PPP4R3A: variants seen among roughly 807,000 people sequenced by gnomAD.
PPP4R3A encodes protein phosphatase 4 regulatory subunit 3A.
Under a neutral mutation model 91.7 loss-of-function variants are expected in PPP4R3A, and 15 were observed. The observed-to-expected ratio is 0.16, with a 90% CI of 0.11 to 0.25. PPP4R3A has a LOEUF of 0.25. Among genes scored for constraint, PPP4R3A ranks in the 10% least tolerant of loss-of-function variants. PPP4R3A has a pLI of 1.00. For synonymous variants in PPP4R3A, 377 were observed against 348.7 expected, an observed-to-expected ratio of 1.08 and a Z score of -0.91; for missense variants, 623 against 998.4, an observed-to-expected ratio of 0.62 and a Z score of 5.07.
intron 6 of PPP4R3A, 107 bp from the exon 7 acceptor site, chr14:91,476,073 A>C: frequency 9.3e-7 from 1 of 1,080,072 alleles, no homozygotes; most frequent in Non-Finnish European, 1.3e-6. Flanking sequence ...TCAATGTAAA[A>C]GAAAGGTCAA....
rs780502185 is a variant in PPP4R3A at position 91,461,504 on chromosome 14, G to A, written c.2268C>T (p.Leu756=). The change falls in exon 14 of 15, where the codon CTC becomes CTT. Residue 756 remains leucine, a synonymous_variant. Coordinates refer to ENST00000554943, the MANE Select transcript of PPP4R3A (RefSeq NM_001366432.2). Reference sequence around the variant, plus strand: ...GATTTGTTGTAGATGACTGGCTGGTGAGGTTAGTCTTCGTTCCACTGGACA... The same window carrying A: ...GATTTGTTGTAGATGACTGGCTGGTAAGGTTAGTCTTCGTTCCACTGGACA... ...LSLSSGTKTN[L]TSQSSTTNLP... The A allele has an allele frequency of 6.2e-7, 1 of 1,614,172 alleles. No homozygotes were observed. The highest frequency in any genetic ancestry group is 1.1e-5 in the South Asian group (1 of 91,074).
intron 7 of PPP4R3A, 83 bp from the exon 8 acceptor site, chr14:91,473,453 T>C (rs1888973648): frequency 3.5e-6 from 5 of 1,417,746 alleles, no homozygotes; most frequent in Non-Finnish European, 4.7e-6. Context: ...ACCACAGCAT[T>C]ATACCTAGGC....
chr14:91,460,291 G>T (rs1484067772), intron 14 of PPP4R3A, among the ~76,000 whole-genome samples: 1 of 152,136 alleles, frequency 6.6e-6, no homozygotes, highest in African/African-American at 2.4e-5. Context: ...GGGATTACGG[G>T]CGTAAGCCAC....
intron 10 of PPP4R3A, among the ~76,000 whole-genome samples, chr14:91,466,965 C>CACACACACACA (rs2140077739): frequency 3.9e-5 from 1 of 25,696 alleles, no homozygotes; most frequent in South Asian, 1.5e-3. Context: ...ACACACACAC[C>CACACACACACA]CCTCTTGTCT....
At chr14:91,480,437 C>T (rs899167589) in intron 4 of PPP4R3A, among the ~76,000 whole-genome samples, 4 of 152,162 alleles carry the variant, frequency 2.6e-5, no homozygotes, top group Admixed American at 6.5e-5. Flanking sequence ...CTTAGCAAAA[C>T]GTGGCTTTTG....
intron 4 of PPP4R3A, among the ~76,000 whole-genome samples, 191 bp downstream of exon 4, chr14:91,481,385 T>C (rs375838308): frequency 2.0e-5 from 3 of 152,174 alleles, no homozygotes; most frequent in East Asian, 3.8e-4. Context: ...TTTGTCACAC[T>C]TACCTCTCCT....
intron 2 of PPP4R3A, among the ~76,000 whole-genome samples, chr14:91,488,686 A>T (rs1890043662): frequency 6.6e-6 from 1 of 152,176 alleles, no homozygotes; most frequent in Non-Finnish European, 1.5e-5. Flanking sequence ...GGCTCCAGAT[A>T]AGACAAAATT....
chr14:91,470,304 G>A (rs1412428001), intron 10 of PPP4R3A, among the ~76,000 whole-genome samples: 3 of 152,172 alleles, frequency 2.0e-5, no homozygotes, highest in Non-Finnish European at 4.4e-5. Flanking sequence ...TAAGAACACT[G>A]TGAAAGTCAT....
At chr14:91,484,930 G>T (rs781507498) in intron 3 of PPP4R3A, among the ~76,000 whole-genome samples, 3 of 151,976 alleles carry the variant, frequency 2.0e-5, no homozygotes, top group Non-Finnish European at 4.4e-5. Context: ...TGTCACTAGG[G>T]AAACTCCAGA....
At position 91,488,444 on chromosome 14, in the gene PPP4R3A, T is replaced by C. The variant is rs146323346; in HGVS notation, c.198+2303A>G. On this transcript the variant is annotated intron_variant, in intron 2 of 14. Coordinates refer to ENST00000554943, the MANE Select transcript of PPP4R3A (RefSeq NM_001366432.2). ...TACTATCTTAAAGGACTTCCATATATCACAGACACCAGGCAGGCAATCTGA... is the reference window on the plus strand; with the variant it reads ...TACTATCTTAAAGGACTTCCATATACCACAGACACCAGGCAGGCAATCTGA... Among the ~76,000 whole-genome samples the C allele has an allele frequency of 2.0e-3, 299 of 152,278 alleles. 1 individual carries two copies. Among genetic ancestry groups the C allele is most frequent in the African/African-American group, 7.0e-3 (289 of 41,574 alleles).
intron 9 of PPP4R3A, among the ~76,000 whole-genome samples, chr14:91,472,744 C>G (rs891467310): frequency 3.3e-5 from 5 of 152,100 alleles, no homozygotes; most frequent in Admixed American, 6.6e-5. Flanking sequence ...GCTGGGATTA[C>G]AGGCCTTTTA....
At chr14:91,470,140 G>A (rs1888751241) in intron 10 of PPP4R3A, among the ~76,000 whole-genome samples, 1 of 151,994 alleles carries the variant, frequency 6.6e-6, no homozygotes, top group Non-Finnish European at 1.5e-5. Context: ...AACCTCTAAG[G>A]TACCCCTAAA....
chr14:91,491,537 AGCTGGGAGTACAG>A (rs1400045014), intron 1 of PPP4R3A, among the ~76,000 whole-genome samples: 1 of 152,104 alleles, frequency 6.6e-6, no homozygotes, highest in African/African-American at 2.4e-5. Context: ...CCTCCTGAGA[AGCTGGGAGTACAG>A]GCATGTGCCA....
At chr14:91,468,024 A>G (rs780714832) in intron 10 of PPP4R3A, among the ~76,000 whole-genome samples, 6 of 152,216 alleles carry the variant, frequency 3.9e-5, no homozygotes, top group Non-Finnish European at 8.8e-5. Context: ...CCTATTGCAT[A>G]CTACAAAGCC....
At position 91,475,850 on chromosome 14, in the gene PPP4R3A, A is replaced by T; in HGVS notation, c.1227T>A (p.Asp409Glu). The change falls in exon 7 of 15, where the codon GAT becomes GAA. Residue 409 changes from aspartate (D) to glutamate (E), a missense_variant. Asp to Glu is a conservative substitution (Grantham distance 45). Transcript: ENST00000554943. ...TTTGCTCTGTTAACTTCTTACTTAC[A>T]TCATCATTCTGTTGTGCCTCCTGCA... ...FVMQEAQQND[D>E]VSKKLTEQKI... The T allele has an allele frequency of 6.2e-7, 1 of 1,613,778 alleles. No individual in the cohort carries two copies. The highest frequency in any genetic ancestry group is 8.5e-7 in the Non-Finnish European group (1 of 1,179,900).
At chr14:91,502,552 C>T (rs972137081) in intron 1 of PPP4R3A, among the ~76,000 whole-genome samples, 3 of 152,222 alleles carry the variant, frequency 2.0e-5, no homozygotes, top group Non-Finnish European at 2.9e-5. Flanking sequence ...ATTTCTCTCA[C>T]AGCTCTTACC....
chr14:91,489,442 C>T (rs973101015), intron 2 of PPP4R3A, among the ~76,000 whole-genome samples: 1 of 152,174 alleles, frequency 6.6e-6, no homozygotes, highest in Non-Finnish European at 1.5e-5. Flanking sequence ...CAGACATATG[C>T]TCTTAATTAC....
At chr14:91,481,275 T>C (rs564689098) in intron 4 of PPP4R3A, among the ~76,000 whole-genome samples, 7 of 151,970 alleles carry the variant, frequency 4.6e-5, no homozygotes, top group Admixed American at 2.0e-4. Flanking sequence ...AAGGTGGAGG[T>C]TGCAGTCGCT....
intron 4 of PPP4R3A, 132 bp downstream of exon 4, chr14:91,481,444 A>C: frequency 2.1e-6 from 2 of 941,800 alleles, no homozygotes; most frequent in Non-Finnish European, 3.0e-6. Context: ...TGTATATTAT[A>C]ATCTCTTAAA....
Sources: allele counts gnomAD v4.1 joint callset (sites outside exome capture counted in the v4.1 genomes callset), GRCh38; gene constraint gnomAD v4.1.1; transcripts MANE v1.5; gene names NCBI Gene and HGNC (gene_info 2026-07-23, HGNC 2026-07-21).